SFRP1: variants seen among roughly 807,000 people sequenced by gnomAD.
SFRP1 encodes secreted frizzled-related protein 1.
A neutral mutation model predicts 25.9 loss-of-function variants in SFRP1; 9 were observed. The ratio of observed to expected loss-of-function variants is 0.35; its 90% CI spans 0.21 to 0.61. The LOEUF is 0.61. SFRP1 is among the 20% of genes least tolerant of loss of function. SFRP1 has a pLI of 0.78. For missense variants in SFRP1, 346 were observed against 418.2 expected (o/e 0.83, Z 1.51); for synonymous variants, 178 against 174.0 (o/e 1.02, Z -0.18).
intron 2 of SFRP1, among the ~76,000 whole-genome samples, chr8:41,289,723 G>C (rs1803752301): frequency 6.6e-6 from 1 of 152,240 alleles, no homozygotes; most frequent in African/African-American, 2.4e-5. Flanking sequence ...CTAAACAAAA[G>C]AGGTCTATTT....
Position 41,282,887 on chromosome 8 carries a change from G to GT in SFRP1, c.623-17399dup, listed in dbSNP as rs571755498. On this transcript the variant is annotated intron_variant, in intron 2 of 2. Coordinates refer to ENST00000220772, the MANE Select transcript of SFRP1 (RefSeq NM_003012.5). ...GAAAAGCCAGAGACAAGCAAATAAA[G>GT]TTTTTTTGCACTGATCGGGCCAAAA... Among the ~76,000 whole-genome samples the GT allele has an allele frequency of 5.9e-5, 9 of 152,180 alleles. No homozygotes were observed. In the South Asian group the frequency reaches 1.5e-3, roughly 25 times the overall value.
chr8:41,279,703 AT>A (rs1354051857), intron 2 of SFRP1, among the ~76,000 whole-genome samples: 3 of 151,898 alleles, frequency 2.0e-5, no homozygotes, highest in Non-Finnish European at 2.9e-5. Flanking sequence ...CTTTCTAGGT[AT>A]AAAGGGATTT....
At chr8:41,279,824 A>G (rs1219641795) in intron 2 of SFRP1, among the ~76,000 whole-genome samples, 1 of 151,948 alleles carries the variant, frequency 6.6e-6, no homozygotes, top group Non-Finnish European at 1.5e-5. Context: ...TCGCCATCAC[A>G]TGATTCTCTC....
intron 2 of SFRP1, among the ~76,000 whole-genome samples, chr8:41,289,026 G>A (rs970366489): frequency 6.6e-6 from 1 of 152,166 alleles, no homozygotes; most frequent in Non-Finnish European, 1.5e-5. Context: ...GTGGTCCTAC[G>A]CCCTCCAATG....
At position 41,262,414 on chromosome 8, in the gene SFRP1, T is replaced by C. The variant is rs1243864878; in HGVS notation, c.*2753A>G. 1 of 152,186 alleles carries C rather than the reference T, an allele frequency of 6.6e-6. No homozygotes were observed. Among genetic ancestry groups the C allele is most frequent in the Non-Finnish European group, 1.5e-5 (1 of 68,030 alleles). 9.4% of individuals were successfully genotyped at this position (152,186 alleles called of 1,614,324 possible). A position where few individuals can be genotyped will look rare whatever the true frequency, so the allele number is the denominator to read the frequency against. The stretch of plus-strand genomic sequence containing the variant: ...AAATGGGATTACTGTAATTTACACA[T>C]CCAAATGCAAACTGGAGCTCTGATT... On this transcript the variant is annotated 3_prime_UTR_variant, in exon 3 of 3. Transcript: ENST00000220772.
In SFRP1 at chr8:41,262,269, C is replaced by A. The variant is rs1293677100; in HGVS notation, c.*2898G>T. 6.6e-6 allele frequency: 1 copy of A among 152,190 alleles called. No individual in the cohort carries two copies. Among genetic ancestry groups the A allele is most frequent in the African/African-American group, 2.4e-5 (1 of 41,450 alleles). 9.4% of individuals were successfully genotyped at this position (152,190 alleles called of 1,614,324 possible). A position where few individuals can be genotyped will look rare whatever the true frequency, so the allele number is the denominator to read the frequency against. ...GTCAGAACGGCCAGTATGTTATTCC[C>A]TGCAGGCTGCCTAGGGTGCTCTCCT... On this transcript the variant is annotated 3_prime_UTR_variant, in exon 3 of 3. Coordinates refer to ENST00000220772, the MANE Select transcript of SFRP1 (RefSeq NM_003012.5).
At chr8:41,278,189 G>A (rs1180025163) in intron 2 of SFRP1, among the ~76,000 whole-genome samples, 3 of 152,214 alleles carry the variant, frequency 2.0e-5, no homozygotes, top group Non-Finnish European at 4.4e-5. Context: ...AGTAGGGCAA[G>A]GTGGTCAGCA....
At chr8:41,280,769 G>A (rs1486902778) in intron 2 of SFRP1, among the ~76,000 whole-genome samples, 1 of 152,184 alleles carries the variant, frequency 6.6e-6, no homozygotes, top group Non-Finnish European at 1.5e-5. Context: ...AGCCCTAGAG[G>A]AGACCACAGA....
chr8:41,298,966 T>A (rs756699928), intron 2 of SFRP1, among the ~76,000 whole-genome samples: 1 of 152,006 alleles, frequency 6.6e-6, no homozygotes, highest in Admixed American at 6.6e-5. Flanking sequence ...TGAGGGCAAA[T>A]CCTTCTCTCC....
At chr8:41,297,956 G>A (rs746547168) in intron 2 of SFRP1, among the ~76,000 whole-genome samples, 2 of 152,212 alleles carry the variant, frequency 1.3e-5, no homozygotes, top group South Asian at 4.1e-4. Flanking sequence ...GAAGGAGCAA[G>A]GGTGTGCAAT....
intron 2 of SFRP1, among the ~76,000 whole-genome samples, chr8:41,300,176 T>C (rs1803897196): frequency 6.6e-6 from 1 of 152,178 alleles, no homozygotes. Flanking sequence ...TTAGTGGAGG[T>C]ACGGAGGTGC....
chr8:41,293,623 A>T (rs1250723079), intron 2 of SFRP1, among the ~76,000 whole-genome samples: 1 of 151,782 alleles, frequency 6.6e-6, no homozygotes, highest in Non-Finnish European at 1.5e-5. Context: ...TCCAGGCCCC[A>T]CCGAAGACCC....
intron 2 of SFRP1, among the ~76,000 whole-genome samples, chr8:41,273,706 G>GT (rs1174370269): frequency 2.0e-5 from 3 of 152,134 alleles, no homozygotes; most frequent in Admixed American, 1.3e-4. Flanking sequence ...GCTTAGGATG[G>GT]TTTTTCCCGA....
At position 41,308,794 on chromosome 8, in the gene SFRP1, C is replaced by T; in HGVS notation, c.366G>A (p.Leu122=). 6.2e-7 allele frequency: 1 copy of T among 1,611,240 alleles called. No homozygotes were observed. The highest frequency in any genetic ancestry group is 1.1e-5 in the South Asian group (1 of 90,852). Residue 122 remains leucine (L), a synonymous_variant, in exon 1 of 3, where the codon CTG becomes CTA. Coordinates refer to ENST00000220772, the MANE Select transcript of SFRP1 (RefSeq NM_003012.5). ...AGCGACACGGGTAGATGGGCCGGTC[C>T]AGGCAGACGGGCGCGAAGAGCGAGC... The part of the protein sequence containing the change: ...FLCSLFAPVC[L]DRPIYPCRWL...
chr8:41,305,651 G>A (rs1051945994), intron 1 of SFRP1, among the ~76,000 whole-genome samples: 2 of 152,178 alleles, frequency 1.3e-5, no homozygotes, highest in Non-Finnish European at 2.9e-5. Flanking sequence ...GTTTTCAGTT[G>A]TATTTAAAAT....
At chr8:41,295,131 G>A (rs1046130827) in intron 2 of SFRP1, among the ~76,000 whole-genome samples, 2 of 152,204 alleles carry the variant, frequency 1.3e-5, no homozygotes, top group African/African-American at 2.4e-5. Context: ...GGGAGGCCAA[G>A]GAGGGCAGAT....
intron 2 of SFRP1, among the ~76,000 whole-genome samples, chr8:41,278,068 CTT>C (rs775335278): frequency 6.6e-6 from 1 of 152,170 alleles, no homozygotes; most frequent in Non-Finnish European, 1.5e-5. Flanking sequence ...TTTAAGGACT[CTT>C]TCTTGGATGA....
At chr8:41,304,777 C>T (rs959384591) in intron 1 of SFRP1, among the ~76,000 whole-genome samples, 2 of 152,120 alleles carry the variant, frequency 1.3e-5, no homozygotes, top group East Asian at 3.9e-4. Flanking sequence ...ACACAAGTGG[C>T]CCATAGACCA....
At chr8:41,303,721 C>G (rs927477484) in intron 1 of SFRP1, among the ~76,000 whole-genome samples, 183 bp from the exon 2 acceptor site, 1 of 152,098 alleles carries the variant, frequency 6.6e-6, no homozygotes, top group Non-Finnish European at 1.5e-5. Flanking sequence ...CCAGAGCAGG[C>G]GCAGGTTTCT....
Sources: gnomAD v4.1 joint callset for allele counts (sites outside exome capture counted in the v4.1 genomes callset) on GRCh38, gnomAD v4.1.1 for gene constraint, MANE v1.5 for transcripts, NCBI Gene and HGNC (gene_info 2026-07-23, HGNC 2026-07-21) for gene names.